Variants in AKAP9 observed in about 807,000 individuals in gnomAD.
AKAP9 encodes A-kinase anchoring protein 9.
In AKAP9, 311 loss-of-function variants were observed where a neutral mutation model predicts 488.5. The observed-to-expected ratio is 0.64, with a 90% CI of 0.58 to 0.70. The LOEUF is 0.70. AKAP9 is among the 30% of genes least tolerant of loss of function. The pLI, the probability that AKAP9 is intolerant of heterozygous loss-of-function variation, is 0.00. For missense variants in AKAP9, 4,215 were observed against 4,374.5 expected (o/e 0.96, Z 1.03); for synonymous variants, 1,462 against 1,483.5 (o/e 0.99, Z 0.33).
At chr7:91,986,120 C>G (rs1397550337) in intron 3 of AKAP9, among the ~76,000 whole-genome samples, 1 of 152,138 alleles carries the variant, frequency 6.6e-6, no homozygotes, top group Non-Finnish European at 1.5e-5. Flanking sequence ...TTCCGAGATT[C>G]TACCTGGTTT....
At chr7:91,975,328 T>C (rs1477632030) in intron 2 of AKAP9, among the ~76,000 whole-genome samples, 1 of 152,164 alleles carries the variant, frequency 6.6e-6, no homozygotes, top group Non-Finnish European at 1.5e-5. Context: ...ACCAAGCATT[T>C]TATTGCTATT....
chr7:91,963,970 A>G (rs1371698155), intron 1 of AKAP9, among the ~76,000 whole-genome samples: 1 of 152,152 alleles, frequency 6.6e-6, no homozygotes, highest in African/African-American at 2.4e-5. Flanking sequence ...CAAAGCTTAC[A>G]CCTTTTCTTA....
Position 92,079,592 on chromosome 7 carries a change from G to C in AKAP9, c.7459G>C (p.Glu2487Gln), listed in dbSNP as rs1188686549. The C allele has an allele frequency of 6.2e-7, 1 of 1,613,682 alleles. No individual in the cohort carries two copies. Among genetic ancestry groups the C allele is most frequent in the Non-Finnish European group, 8.5e-7 (1 of 1,180,004 alleles). ...LENQTYFKSF[E>Q]ENGKGSIINL... ...AAATCAGACATACTTCAAATCTTTT[G>C]AAGAAAATGGCAAAGGTTCCATAAT... The change falls in exon 31 of 50, where the codon GAA becomes CAA. Residue 2487 changes from glutamate (E) to glutamine (Q), a missense_variant. By Grantham distance (29) the Glu-to-Gln change is conservative. Coordinates refer to ENST00000356239, the MANE Select transcript of AKAP9 (RefSeq NM_005751.5).
At position 92,086,365 on chromosome 7, in the gene AKAP9, T is replaced by C; in HGVS notation, c.9162T>C (p.Thr3054=). 1 of 1,614,016 alleles carries C rather than the reference T, an allele frequency of 6.2e-7. No homozygotes were observed. Among genetic ancestry groups the C allele is most frequent in the Non-Finnish European group, 8.5e-7 (1 of 1,179,948 alleles). Residue 3054 remains threonine (T), a synonymous_variant, in exon 37 of 50, where the codon ACT becomes ACC. Coordinates refer to ENST00000356239, the MANE Select transcript of AKAP9 (RefSeq NM_005751.5). ...GGACGGAGCTGACAGCTCTAGGTAC[T>C]ACAGATGCAGTTGGTTTACTAAACT... is the stretch of plus-strand genomic sequence containing the variant. ...AFRTELTALG[T]TDAVGLLNCL...
intron 21 of AKAP9, among the ~76,000 whole-genome samples, chr7:92,051,608 G>T (rs1368432514): frequency 6.6e-6 from 1 of 152,152 alleles, no homozygotes; most frequent in African/African-American, 2.4e-5. Flanking sequence ...CTGAATTCAG[G>T]TCTTGCGTCT....
intron 14 of AKAP9, among the ~76,000 whole-genome samples, chr7:92,027,980 C>G (rs1190791886): frequency 6.6e-6 from 1 of 152,170 alleles, no homozygotes; most frequent in East Asian, 1.9e-4. Context: ...TGCTGTTAAT[C>G]TATAACCTTA....
Position 92,022,863 on chromosome 7 carries a change from T to TC in AKAP9, c.4002_4003insC (p.Lys1335GlnfsTer3). 3 of 1,455,700 alleles carry TC rather than the reference T, an allele frequency of 2.1e-6. No individual in the cohort carries two copies. Among genetic ancestry groups the TC allele is most frequent in the Non-Finnish European group, 2.8e-6 (3 of 1,072,372 alleles). 90.2% of individuals were successfully genotyped at this position (1,455,700 alleles called of 1,614,324 possible). Reference sequence around the variant, plus strand: ...CTTCTCTGCAAGATCTTGAAAAAACTAAACTTGAAGAACAAGTTCAAGAAT... The same window carrying TC: ...CTTCTCTGCAAGATCTTGAAAAAACTCAAACTTGAAGAACAAGTTCAAGAAT... On this transcript the variant is annotated frameshift_variant, in exon 14 of 50. Coordinates refer to ENST00000356239, the MANE Select transcript of AKAP9 (RefSeq NM_005751.5). LOFTEE classifies it high-confidence loss of function.
chr7:92,049,176 A>G (rs989676177), intron 21 of AKAP9, among the ~76,000 whole-genome samples: 3 of 152,248 alleles, frequency 2.0e-5, no homozygotes, highest in African/African-American at 7.2e-5. Flanking sequence ...ATGTTTTAAG[A>G]CATAAATCCA....
intron 1 of AKAP9, among the ~76,000 whole-genome samples, chr7:91,972,283 G>A (rs1167810475): frequency 3.3e-5 from 5 of 152,154 alleles, no homozygotes; most frequent in South Asian, 2.1e-4. Flanking sequence ...TTGCCTTCCC[G>A]CTTTGTCTCT....
intron 16 of AKAP9, among the ~76,000 whole-genome samples, chr7:92,033,515 T>A (rs1804652139): frequency 6.7e-6 from 1 of 149,498 alleles, no homozygotes; most frequent in Non-Finnish European, 1.5e-5. Flanking sequence ...GCGCAATCTC[T>A]GCTCACCGCA....
chr7:91,974,646 C>G (rs917268910), intron 2 of AKAP9, among the ~76,000 whole-genome samples: 1 of 152,064 alleles, frequency 6.6e-6, no homozygotes, highest in Non-Finnish European at 1.5e-5. Context: ...AAAAACACCA[C>G]GGATTTTGAC....
rs537731606 is a variant in AKAP9 at position 92,066,453 on chromosome 7, G to C, written c.6237G>C (p.Glu2079Asp). 6.2e-7 allele frequency: 1 copy of C among 1,613,306 alleles called. No individual in the cohort carries two copies. Among genetic ancestry groups the C allele is most frequent in the East Asian group, 2.2e-5 (1 of 44,760 alleles). ...LDEQAIDREH[E>D]RDVFQQEIQK... ...AGCAAGCCATTGACAGAGAACATGA[G>C]AGAGATGTATTCCAACAGGAAATAC... The change falls in exon 26 of 50, where the codon GAG becomes GAC. Residue 2079 changes from glutamate (E) to aspartate (D), a missense_variant. By Grantham distance (45) the Glu-to-Asp change is conservative. This residue lies in a region of AKAP9 where 2,361 missense variants were observed against 2,430.0 expected (regional missense o/e 0.97). Coordinates refer to ENST00000356239, the MANE Select transcript of AKAP9 (RefSeq NM_005751.5).
chr7:92,096,932 C>G lies in AKAP9; in HGVS notation c.9973C>G (p.Gln3325Glu), dbSNP rs1271071581. The G allele has an allele frequency of 6.2e-7, 1 of 1,614,210 alleles. No individual in the cohort carries two copies. Among genetic ancestry groups the G allele is most frequent in the Admixed American group, 1.7e-5 (1 of 60,028 alleles). Residue 3325 changes from glutamine to glutamate, a missense_variant, in exon 41 of 50, where the codon CAG becomes GAG. Gln to Glu is a conservative substitution (Grantham distance 29). This residue lies in a region of AKAP9 where 1,476 missense variants were observed against 1,477.4 expected (regional missense o/e 1.00). Coordinates refer to ENST00000356239, the MANE Select transcript of AKAP9 (RefSeq NM_005751.5). ...AGATAGGGAGCGGGAATTGCACGCA[C>G]AGCTGCAGAGCAGTGATGGTACTGG... ...TLDRERELHA[Q>E]LQSSDGTGQS...
chr7:91,951,351 A>C (rs187842021), intron 1 of AKAP9, among the ~76,000 whole-genome samples: 178 of 150,070 alleles, frequency 1.2e-3, no homozygotes, highest in Non-Finnish European at 2.4e-3. Flanking sequence ...TTGAGACAGG[A>C]TCTCACTCTG....
intron 27 of AKAP9, among the ~76,000 whole-genome samples, 192 bp downstream of exon 27, chr7:92,070,398 GTTGTTGTTTTGTT>G (rs1379763805): frequency 9.4e-4 from 134 of 142,386 alleles, no homozygotes; most frequent in African/African-American, 2.4e-3. Flanking sequence ...TTTTGTTGTT[GTTGTTGTTTTGTT>G]TTGTTTTGTT....
At chr7:92,093,885 C>T (rs1452492422) in intron 39 of AKAP9, among the ~76,000 whole-genome samples, 1 of 151,988 alleles carries the variant, frequency 6.6e-6, no homozygotes, top group Non-Finnish European at 1.5e-5. Flanking sequence ...GAATCTCGCT[C>T]TGTCGCCCAG....
chr7:92,089,424 G>A lies in AKAP9; in HGVS notation c.9253G>A (p.Ala3085Thr), dbSNP rs1192563772. ...AGCAGCTATGGAATGCCTCCAGAAA[G>A]CAGATAGAAGGAGTTTGTTATCTGA... The part of the protein sequence containing the change: ...YQAAMECLQK[A>T]DRRSLLSEIQ... Residue 3085 changes from alanine to threonine, a missense_variant, in exon 38 of 50, where the codon GCA becomes ACA. Ala to Thr is a moderately conservative substitution (Grantham distance 58). Around this residue, in one of 5 missense-constraint regions of AKAP9, gnomAD observed 1,476 missense variants for 1,477.4 expected, o/e 1.00. Transcript: ENST00000356239. 1 of 1,612,114 alleles carries A rather than the reference G, an allele frequency of 6.2e-7. No individual in the cohort carries two copies.
At position 91,980,319 on chromosome 7, in the gene AKAP9, G is replaced by A; in HGVS notation, c.337G>A (p.Asp113Asn). The A allele has an allele frequency of 6.3e-7, 1 of 1,580,932 alleles. No individual in the cohort carries two copies. Among genetic ancestry groups the A allele is most frequent in the Non-Finnish European group, 8.7e-7 (1 of 1,155,978 alleles). Residue 113 changes from aspartate to asparagine, a missense_variant, in exon 3 of 50, where the codon GAC becomes AAC. Transcript: ENST00000356239. ...LESEISTTAD[D>N]CSSEVNGCSF... The stretch of plus-strand genomic sequence containing the variant: ...AAGTGAAATTTCAACCACAGCAGAT[G>A]ACTGCAGTTCAGAGGTAAGACTAAA...
In AKAP9 at chr7:92,002,261, G is replaced by A; in HGVS notation, c.2344G>A (p.Asp782Asn). 1.2e-6 allele frequency: 2 copies of A among 1,602,118 alleles called. No homozygotes were observed. The highest frequency in any genetic ancestry group is 1.7e-6 in the Non-Finnish European group (2 of 1,176,908). ...QLEAENSILK[D>N]EKKTLEDMLK... ...TGAAGCAGAGAATAGCATTCTTAAA[G>A]ATGAAAAGAAAACCCTTGAAGACAT... The change falls in exon 8 of 50, where the codon GAT (aspartate) becomes AAT (asparagine). Residue 782 changes from aspartate (D) to asparagine (N), a missense_variant. Coordinates refer to ENST00000356239, the MANE Select transcript of AKAP9 (RefSeq NM_005751.5).
Sources: gnomAD v4.1 joint callset for allele counts (sites outside exome capture counted in the v4.1 genomes callset) on GRCh38, gnomAD v4.1.1 for gene constraint, gnomAD v4.1.1 regional missense constraint, MANE v1.5 for transcripts, NCBI Gene and HGNC (gene_info 2026-07-23, HGNC 2026-07-21) for gene names.